Variants in TASP1 observed in about 807,000 individuals in gnomAD.
TASP1 encodes threonine aspartase 1.
Under a neutral mutation model 56.6 loss-of-function variants are expected in TASP1, and 16 were observed. The observed-to-expected ratio is 0.28, with a 90% CI of 0.19 to 0.43. The LOEUF is 0.43. Among genes scored for constraint, TASP1 ranks in the 20% least tolerant of loss-of-function variants. TASP1 has a pLI of 1.00. For missense variants in TASP1, 393 were observed against 511.6 expected, an observed-to-expected ratio of 0.77 and a Z score of 2.24; for synonymous variants, 179 against 184.2, an observed-to-expected ratio of 0.97 and a Z score of 0.23.
At chr20:13,631,046 T>C (rs1002861192) in intron 1 of TASP1, among the ~76,000 whole-genome samples, 1 of 152,152 alleles carries the variant, frequency 6.6e-6, no homozygotes, top group African/African-American at 2.4e-5. Flanking sequence ...AGTTTTTTAT[T>C]TGTATTTTAC....
the TASP1 span, among the ~76,000 whole-genome samples, chr20:13,171,721 G>A: frequency 3.3e-5 from 5 of 152,260 alleles, no homozygotes; most frequent in East Asian, 9.6e-4. Flanking sequence ...TCTCGATTGT[G>A]AATAGAAATA....
the TASP1 span, among the ~76,000 whole-genome samples, chr20:13,221,608 C>A: frequency 6.8e-6 from 1 of 146,966 alleles, no homozygotes; most frequent in African/African-American, 2.4e-5. Context: ...GCCCCGCACA[C>A]CCCGCCGCGC....
intron 4 of TASP1, among the ~76,000 whole-genome samples, chr20:13,590,542 G>A (rs1008987853): frequency 5.9e-5 from 9 of 152,086 alleles, no homozygotes; most frequent in Non-Finnish European, 1.0e-4. Flanking sequence ...GTATATGAAA[G>A]CATTAGCAAA....
At chr20:13,552,958 C>CA (rs1486207841) in intron 8 of TASP1, among the ~76,000 whole-genome samples, 1 of 152,034 alleles carries the variant, frequency 6.6e-6, no homozygotes, top group Non-Finnish European at 1.5e-5. Context: ...GTCGGGGAGA[C>CA]AGAGTCTCAC....
chr20:13,390,387 C>T lies in TASP1; in HGVS notation c.1236G>A (p.Val412=), dbSNP rs751756796. Residue 412 remains valine, a synonymous_variant, in exon 14 of 14, where the codon GTG becomes GTA. Transcript: ENST00000337743. ...AGQSVAIEGG[V]CRLESPVN ...AGTTCACTGGGCTCTCCAGGCGGCA[C>T]ACCCCACCTTCGATTGCCACAGACT... 1.2e-5 allele frequency: 19 copies of T among 1,613,986 alleles called. No individual in the cohort carries two copies. Among genetic ancestry groups the T allele is most frequent in the Middle Eastern group, 1.6e-4 (1 of 6,084 alleles).
intron 11 of TASP1, among the ~76,000 whole-genome samples, chr20:13,446,418 G>T: frequency 6.6e-6 from 1 of 152,006 alleles, no homozygotes; most frequent in East Asian, 1.9e-4. Context: ...ATGACAAAAA[G>T]TAAATTTTCA....
At chr20:13,603,066 A>G (rs933705728) in intron 4 of TASP1, among the ~76,000 whole-genome samples, 7 of 152,054 alleles carry the variant, frequency 4.6e-5, no homozygotes, top group Non-Finnish European at 8.8e-5. Context: ...CCCCATCTCT[A>G]CTAAAAATAC....
At chr20:13,244,507 C>T in the TASP1 span, 1 of 152,114 alleles carries the variant, frequency 6.6e-6, no homozygotes, top group East Asian at 1.9e-4. Flanking sequence ...TGTTTTCACA[C>T]AGCAAGATGA....
the TASP1 span, among the ~76,000 whole-genome samples, chr20:13,232,224 C>T: frequency 6.6e-6 from 1 of 152,142 alleles, no homozygotes; most frequent in East Asian, 1.9e-4. Context: ...AAAAATTTGA[C>T]AATACTGACA....
intron 10 of TASP1, among the ~76,000 whole-genome samples, chr20:13,502,464 CT>C (rs2043980992): frequency 1.3e-5 from 2 of 152,018 alleles, no homozygotes; most frequent in South Asian, 4.2e-4. Flanking sequence ...ACACAGAGGA[CT>C]ATACAACATA....
chr20:13,221,776 G>T, the TASP1 span: 1 of 1,447,434 alleles, frequency 6.9e-7, no homozygotes, highest in Non-Finnish European at 9.0e-7. Context: ...GTCTCAAAAG[G>T]ATGGTGCGCC....
At chr20:13,247,517 G>GTGTGTGTGTGT in the TASP1 span, among the ~76,000 whole-genome samples, 1 of 139,806 alleles carries the variant, frequency 7.2e-6, no homozygotes, top group African/African-American at 2.7e-5. Flanking sequence ...CAAAGTGAGG[G>GTGTGTGTGTGT]GTGTGTGTGT....
chr20:13,335,502 C>G, the TASP1 span, among the ~76,000 whole-genome samples: 6 of 152,166 alleles, frequency 3.9e-5, no homozygotes, highest in East Asian at 1.2e-3. Context: ...AGTACCCAAT[C>G]ATAGTGTCTT....
chr20:13,436,171 G>A (rs79553232), intron 11 of TASP1, among the ~76,000 whole-genome samples: 5,658 of 152,178 alleles, frequency 0.037, 129 homozygotes, highest in African/African-American at 0.058. Context: ...CAGTTTTGCT[G>A]TAAAATGCAA....
At chr20:13,221,524 C>A in the TASP1 span, among the ~76,000 whole-genome samples, 6,893 of 144,226 alleles carry the variant, frequency 0.048, 424 homozygotes, top group East Asian at 0.19. Flanking sequence ...GCTTGGACAC[C>A]CCCGGCCTCG....
At chr20:13,467,631 T>G (rs186402289) in intron 11 of TASP1, among the ~76,000 whole-genome samples, 13 of 152,258 alleles carry the variant, frequency 8.5e-5, no homozygotes, top group African/African-American at 3.1e-4. Flanking sequence ...TATAAGAAGT[T>G]CTTTGGAACA....
At chr20:13,595,133 C>A (rs1448400890) in intron 4 of TASP1, among the ~76,000 whole-genome samples, 4 of 151,984 alleles carry the variant, frequency 2.6e-5, no homozygotes, top group Non-Finnish European at 5.9e-5. Context: ...ACTAAGCTTC[C>A]TAAGTGAAGG....
chr20:13,525,090 A>C (rs751370899), intron 10 of TASP1, among the ~76,000 whole-genome samples: 3 of 152,138 alleles, frequency 2.0e-5, no homozygotes, highest in Non-Finnish European at 2.9e-5. Flanking sequence ...GTTATACTTT[A>C]ATTGACAGTC....
chr20:13,595,673 T>A (rs2047701281), intron 4 of TASP1, among the ~76,000 whole-genome samples: 1 of 152,190 alleles, frequency 6.6e-6, no homozygotes, highest in Non-Finnish European at 1.5e-5. Flanking sequence ...CAAAAAGAGC[T>A]AACTATCCTA....
Sources: gnomAD v4.1 joint callset for allele counts (sites outside exome capture counted in the v4.1 genomes callset) on GRCh38, gnomAD v4.1.1 for gene constraint, MANE v1.5 for transcripts, NCBI Gene and HGNC (gene_info 2026-07-23, HGNC 2026-07-21) for gene names.